Variants in DLG2 observed in about 807,000 individuals in gnomAD.
The protein encoded by DLG2 is disks large homolog 2.
DLG2 carries 45 observed loss-of-function variants against 132.5 expected under a neutral mutation model. The observed-to-expected ratio is 0.34, with a 90% CI of 0.27 to 0.44. The LOEUF (loss-of-function observed/expected upper bound fraction) is 0.44, where lower values mean the gene tolerates loss of function less well. DLG2 is among the 20% of genes least tolerant of loss of function. The pLI is 1.00. For missense variants in DLG2, 1,045 were observed against 1,196.9 expected (o/e 0.87, Z 1.87); for synonymous variants, 424 against 419.6 (o/e 1.01, Z -0.13).
At chr11:85,259,974 T>G (rs2076859426) in intron 4 of DLG2, among the ~76,000 whole-genome samples, 1 of 152,162 alleles carries the variant, frequency 6.6e-6, no homozygotes, top group East Asian at 1.9e-4. Context: ...AAGAAATATG[T>G]TGGTGAGCAT....
chr11:84,923,631 C>G, intron 6 of DLG2: 1 of 980,350 alleles, frequency 1.0e-6, no homozygotes. Context: ...AATATGAGCT[C>G]TGCACTATAT....
chr11:84,513,544 T>G (rs1591299734), intron 7 of DLG2, among the ~76,000 whole-genome samples: 1 of 151,920 alleles, frequency 6.6e-6, no homozygotes, highest in South Asian at 2.1e-4. Context: ...ACATATACAG[T>G]AAACTCATTT....
chr11:84,077,385 A>G (rs2096843663), intron 10 of DLG2, among the ~76,000 whole-genome samples: 1 of 152,148 alleles, frequency 6.6e-6, no homozygotes, highest in African/African-American at 2.4e-5. Context: ...GGTCCATCTC[A>G]CAACAGTGGG....
At chr11:85,281,257 T>G (rs2078205286) in intron 4 of DLG2, among the ~76,000 whole-genome samples, 1 of 152,006 alleles carries the variant, frequency 6.6e-6, no homozygotes, top group Non-Finnish European at 1.5e-5. Flanking sequence ...TCTAAAACCT[T>G]TACCTCCAGG....
rs989992956 is a variant in DLG2, at chr11:85,206,851, A to G, written c.187-52200T>C. ...TCCTTCTAAAAATGAAAAAAAGCGC[A>G]TATCTTTTTTTTTAATTTCAAGTCC... is the stretch of plus-strand genomic sequence containing the variant. On this transcript the variant is annotated intron_variant, in intron 4 of 27. Coordinates refer to ENST00000376104, the MANE Select transcript of DLG2 (RefSeq NM_001142699.3). 6.6e-5 allele frequency among the ~76,000 whole-genome samples: 10 copies of G among 151,902 alleles called. 1 individual carries two copies. Among genetic ancestry groups the G allele is most frequent in the African/African-American group, 2.4e-4 (10 of 41,296 alleles).
At chr11:83,480,407 A>G in intron 22 of DLG2, 2 of 1,535,578 alleles carry the variant, frequency 1.3e-6, no homozygotes, top group Non-Finnish European at 1.7e-6. Flanking sequence ...ATTAGAAGAA[A>G]CATGTTCTGC....
chr11:85,176,599 A>C (rs1408344731), intron 4 of DLG2, among the ~76,000 whole-genome samples: 2 of 152,180 alleles, frequency 1.3e-5, no homozygotes. Flanking sequence ...CAACAAAAGC[A>C]AAAATTGACA....
chr11:85,029,106 G>A (rs889085699), intron 6 of DLG2, among the ~76,000 whole-genome samples: 1 of 152,072 alleles, frequency 6.6e-6, no homozygotes, highest in African/African-American at 2.4e-5. Flanking sequence ...AAAGCAGTTA[G>A]TTGCAATAAG....
At chr11:84,230,774 G>A (rs772315288) in intron 8 of DLG2, among the ~76,000 whole-genome samples, 20 of 152,232 alleles carry the variant, frequency 1.3e-4, no homozygotes, top group South Asian at 4.1e-4. Flanking sequence ...ACAGTGAGAC[G>A]AACAGGAAAC....
intron 6 of DLG2, among the ~76,000 whole-genome samples, chr11:84,938,041 A>C (rs575003003): frequency 6.6e-6 from 1 of 152,322 alleles, no homozygotes; most frequent in East Asian, 1.9e-4. Flanking sequence ...TTCCTAGAAA[A>C]GGAACCTTGA....
At chr11:83,685,155 G>T (rs182956657) in intron 18 of DLG2, among the ~76,000 whole-genome samples, 6 of 152,140 alleles carry the variant, frequency 3.9e-5, no homozygotes, top group Non-Finnish European at 5.9e-5. Flanking sequence ...GGCTAGAAAG[G>T]TTAGGTAACT....
intron 19 of DLG2, among the ~76,000 whole-genome samples, chr11:83,596,962 T>C (rs929251322): frequency 6.6e-6 from 1 of 152,226 alleles, no homozygotes; most frequent in Non-Finnish European, 1.5e-5. Context: ...TTCCTCACTG[T>C]CATCAGATTT....
intron 5 of DLG2, among the ~76,000 whole-genome samples, chr11:85,147,284 C>T (rs554335157): frequency 2.0e-5 from 3 of 152,234 alleles, no homozygotes; most frequent in African/African-American, 7.2e-5. Flanking sequence ...TTCTATTCAG[C>T]CATCTTCCTC....
intron 19 of DLG2, among the ~76,000 whole-genome samples, chr11:83,550,919 G>A (rs903204714): frequency 2.6e-5 from 4 of 152,050 alleles, no homozygotes; most frequent in South Asian, 4.2e-4. Context: ...GTAAGCTTGG[G>A]GTGGGAAAAA....
At chr11:85,472,549 T>A (rs2093018388) in intron 3 of DLG2, among the ~76,000 whole-genome samples, 1 of 152,134 alleles carries the variant, frequency 6.6e-6, no homozygotes, top group African/African-American at 2.4e-5. Context: ...CCACCCGCCT[T>A]GGCCTCCTAA....
intron 6 of DLG2, among the ~76,000 whole-genome samples, chr11:84,845,099 T>C (rs989813402): frequency 3.3e-5 from 5 of 152,128 alleles, no homozygotes; most frequent in Admixed American, 3.3e-4. Flanking sequence ...GGTTAACCAC[T>C]AGAATATTCT....
chr11:83,634,799 G>A (rs1292241289), intron 18 of DLG2, among the ~76,000 whole-genome samples: 1 of 152,042 alleles, frequency 6.6e-6, no homozygotes, highest in Non-Finnish European at 1.5e-5. Context: ...TAGATAACAG[G>A]AAAATAAACT....
chr11:84,755,861 C>T (rs1049469042), intron 6 of DLG2, among the ~76,000 whole-genome samples: 7 of 152,126 alleles, frequency 4.6e-5, no homozygotes, highest in Non-Finnish European at 1.0e-4. Flanking sequence ...GAGAATTAGG[C>T]ATGTTAGTCA....
At chr11:83,971,458 C>CA (rs2091320378) in intron 12 of DLG2, among the ~76,000 whole-genome samples, 1 of 152,032 alleles carries the variant, frequency 6.6e-6, no homozygotes, top group Admixed American at 6.6e-5. Flanking sequence ...TGTGGGAATT[C>CA]AAATGTGTGT....
Sources: allele counts gnomAD v4.1 joint callset (sites outside exome capture counted in the v4.1 genomes callset), GRCh38; gene constraint gnomAD v4.1.1; transcripts MANE v1.5; gene names NCBI Gene and HGNC (gene_info 2026-07-23, HGNC 2026-07-21).